The following CCDC25 variants were observed in gnomAD, a reference collection of about 807,000 sequenced individuals.
CCDC25 encodes coiled-coil domain containing 25, also known as coiled-coil domain-containing protein 25.
A neutral mutation model predicts 35.3 loss-of-function variants in CCDC25; 16 were observed. The ratio of observed to expected loss-of-function variants is 0.45; its 90% confidence interval spans 0.31 to 0.69. The LOEUF (loss-of-function observed/expected upper bound fraction) is 0.69, where lower values mean the gene tolerates loss of function less well. Ranked by LOEUF, CCDC25 falls within the 30% of genes least tolerant of loss-of-function variation. CCDC25 has a pLI of 0.06. For missense variants in CCDC25, 179 were observed against 250.7 expected, an observed-to-expected ratio of 0.71 and a Z score of 1.93; for synonymous variants, 79 against 80.3, an observed-to-expected ratio of 0.98 and a Z score of 0.09.
chr8:27,740,418 A>G, intron 8 of CCDC25, 54 bp downstream of exon 8: 1 of 1,540,168 alleles, frequency 6.5e-7, no homozygotes, highest in Non-Finnish European at 8.9e-7. Context: ...AATTATTAAA[A>G]ACCCTTAGTG....
At chr8:27,770,203 A>G (rs1392894556) in intron 1 of CCDC25, among the ~76,000 whole-genome samples, 1 of 152,290 alleles carries the variant, frequency 6.6e-6, no homozygotes, top group Admixed American at 6.5e-5. Flanking sequence ...GCACTTTGGG[A>G]GGTTAAGGTG....
rs764199339 is a variant in CCDC25, at chr8:27,762,389, A to G, written c.116+30T>C. ...AGTCTAAGAAAGGAAATGATGATCTACAGAGGGCAGAACCAAAATTGTTAC... is the reference window on the plus strand; with the variant it reads ...AGTCTAAGAAAGGAAATGATGATCTGCAGAGGGCAGAACCAAAATTGTTAC... On this transcript the variant is annotated intron_variant, in intron 3 of 8. Coordinates refer to ENST00000356537, the MANE Select transcript of CCDC25 (RefSeq NM_018246.3). 6.2e-6 allele frequency: 10 copies of G among 1,603,174 alleles called. No homozygotes were observed. The African/African-American group carries it at 1.2e-4, about 19-fold the overall frequency.
At chr8:27,749,466 C>T (rs1270109647) in intron 5 of CCDC25, among the ~76,000 whole-genome samples, 1 of 152,208 alleles carries the variant, frequency 6.6e-6, no homozygotes, top group Non-Finnish European at 1.5e-5. Flanking sequence ...TGCAAAACTT[C>T]ACTTATGTAA....
At chr8:27,761,787 G>A (rs1203283665) in intron 3 of CCDC25, among the ~76,000 whole-genome samples, 1 of 152,216 alleles carries the variant, frequency 6.6e-6, no homozygotes, top group African/African-American at 2.4e-5. Flanking sequence ...TTCTAAGACA[G>A]AGAAAAGAAT....
chr8:27,744,637 T>A (rs559678678), intron 7 of CCDC25, among the ~76,000 whole-genome samples: 3 of 152,226 alleles, frequency 2.0e-5, no homozygotes, highest in African/African-American at 7.2e-5. Context: ...ACTTACAACA[T>A]GAAATTCTGG....
At chr8:27,760,571 C>G (rs1235542073) in intron 3 of CCDC25, among the ~76,000 whole-genome samples, 2 of 152,162 alleles carry the variant, frequency 1.3e-5, no homozygotes, top group African/African-American at 2.4e-5. Flanking sequence ...CCAATATTTA[C>G]TGAATACCTA....
chr8:27,772,173 GGAA>G (rs1804645168), intron 1 of CCDC25: 1 of 414,864 alleles, frequency 2.4e-6, no homozygotes, highest in Non-Finnish European at 4.4e-6. Flanking sequence ...ATGGAAGGTG[GGAA>G]GAAGACTTGG....
At chr8:27,741,370 A>G (rs775054740) in intron 7 of CCDC25, among the ~76,000 whole-genome samples, 1 of 152,192 alleles carries the variant, frequency 6.6e-6, no homozygotes, top group South Asian at 2.1e-4. Flanking sequence ...ATCAATAACT[A>G]TGGTGAAAAG....
rs368621269 is a variant in CCDC25 at position 27,752,528 on chromosome 8, C to T, written c.228G>A (p.Lys76=). 5 of 1,613,264 alleles carry T rather than the reference C, an allele frequency of 3.1e-6. No individual in the cohort carries two copies. In the African/African-American group the frequency reaches 6.7e-5, roughly 22 times the overall value. ...EVLMDCAHLV[K]ANSIQGCKMN... ...AAAACTGACCTTGAATGCTATTGGC[C>T]TTCACAAGGTGGGCACAGTCCATCA... Residue 76 remains lysine (K), a synonymous_variant, in exon 5 of 9, where the codon AAG becomes AAA. Transcript: ENST00000356537.
chr8:27,751,151 G>T (rs1014814447), intron 5 of CCDC25, among the ~76,000 whole-genome samples: 13 of 152,200 alleles, frequency 8.5e-5, no homozygotes, highest in Admixed American at 7.2e-4. Context: ...TAAGAAGAAA[G>T]CAGCTGGGCC....
At chr8:27,768,810 G>C (rs914120618) in intron 1 of CCDC25, among the ~76,000 whole-genome samples, 1 of 152,168 alleles carries the variant, frequency 6.6e-6, no homozygotes, top group Non-Finnish European at 1.5e-5. Context: ...ACAATTTATA[G>C]AACAATCTAC....
At chr8:27,772,451 GC>G in intron 1 of CCDC25, 61 bp downstream of exon 1, 2 of 1,512,104 alleles carry the variant, frequency 1.3e-6, no homozygotes, top group Non-Finnish European at 1.8e-6. Flanking sequence ...GCGGCGGACT[GC>G]GGGTCCCGGC....
intron 7 of CCDC25, among the ~76,000 whole-genome samples, chr8:27,742,127 G>A (rs1803460603): frequency 6.6e-6 from 1 of 152,198 alleles, no homozygotes; most frequent in African/African-American, 2.4e-5. Context: ...AGATGTGCCT[G>A]GTTTGAGACA....
rs1462981351 is a variant in CCDC25 at position 27,734,667 on chromosome 8, T to TA, written c.*1548dup. 2 of 152,182 alleles carry TA rather than the reference T, an allele frequency of 1.3e-5. No individual in the cohort carries two copies. The highest frequency in any genetic ancestry group is 4.8e-5 in the African/African-American group (2 of 41,434). 9.4% of individuals were successfully genotyped at this position (152,182 alleles called of 1,614,324 possible). ...AGTGTAAGCTGAGTTAGGAAATGTT[T>TA]AAAGTTTGAGCCCCAGGACCTCTCA... On this transcript the variant is annotated 3_prime_UTR_variant, in exon 9 of 9. Transcript: ENST00000356537.
chr8:27,759,712 A>G (rs13257147), intron 3 of CCDC25, among the ~76,000 whole-genome samples: 119,049 of 146,458 alleles, frequency 0.81, 48,946 homozygotes, highest in Non-Finnish European at 0.87. Flanking sequence ...CCCGGGAGGT[A>G]GAGGTTACAG....
chr8:27,756,290 C>A (rs1804000758), intron 4 of CCDC25: 1 of 156,796 alleles, frequency 6.4e-6, no homozygotes. Context: ...AAATTTTTTT[C>A]CTTTATTACT....
chr8:27,770,575 TA>T (rs1021174060), intron 1 of CCDC25, among the ~76,000 whole-genome samples: 1 of 151,550 alleles, frequency 6.6e-6, no homozygotes, highest in Non-Finnish European at 1.5e-5. Context: ...CCGTCTCTAC[TA>T]AAAAAATACA....
chr8:27,743,910 A>G (rs1484694548), intron 7 of CCDC25, among the ~76,000 whole-genome samples: 2 of 152,174 alleles, frequency 1.3e-5, no homozygotes, highest in Non-Finnish European at 2.9e-5. Context: ...AGACATACCA[A>G]TTGTTTTTAG....
At chr8:27,747,846 T>A (rs1803655782) in intron 7 of CCDC25, 1 of 534,282 alleles carries the variant, frequency 1.9e-6, no homozygotes, top group Non-Finnish European at 3.3e-6. Context: ...ATAAAATTAG[T>A]TATTTTATTT....
Sources: gnomAD v4.1 joint callset for allele counts (sites outside exome capture counted in the v4.1 genomes callset) on GRCh38, gnomAD v4.1.1 for gene constraint, MANE v1.5 for transcripts, NCBI Gene and HGNC (gene_info 2026-07-23, HGNC 2026-07-21) for gene names.